The following STK40 variants were observed in gnomAD, a reference collection of about 807,000 sequenced individuals.
STK40 encodes the protein serine/threonine-protein kinase 40.
Under a neutral mutation model 47.9 loss-of-function variants are expected in STK40, and 13 were observed. That is an observed-to-expected ratio of 0.27 (90% CI 0.18 to 0.43). STK40 has a LOEUF of 0.43. Among genes scored for constraint, STK40 ranks in the 20% least tolerant of loss-of-function variants. The pLI is 1.00. For synonymous variants in STK40, 225 were observed against 243.2 expected (o/e 0.93, Z 0.69); for missense variants, 460 against 595.1 (o/e 0.77, Z 2.36).
At chr1:36,349,460 A>G (rs1458703854) in intron 6 of STK40, among the ~76,000 whole-genome samples, 1 of 152,228 alleles carries the variant, frequency 6.6e-6, no homozygotes, top group Non-Finnish European at 1.5e-5. Flanking sequence ...GCTGGTGAGC[A>G]GAAGAGCAGG....
chr1:36,358,929 G>A, intron 2 of STK40, 107 bp from the exon 3 acceptor site: 1 of 1,262,098 alleles, frequency 7.9e-7, no homozygotes, highest in Non-Finnish European at 1.1e-6. Context: ...GGGCACCATA[G>A]CTCATGTGTA....
chr1:36,371,860 T>C (rs1385284935), intron 1 of STK40, among the ~76,000 whole-genome samples: 2 of 151,758 alleles, frequency 1.3e-5, no homozygotes, highest in Non-Finnish European at 2.9e-5. Context: ...TAGCAGGGCG[T>C]GGCAGTGTTT....
At position 36,341,409 on chromosome 1, in the gene STK40, G is replaced by A. The variant is rs546060924; in HGVS notation, c.*346C>T. On this transcript the variant is annotated 3_prime_UTR_variant, in exon 11 of 11. Transcript: ENST00000373132. ...CAGCGCCCCAGGTCAGTTGGTGGCCGCTGGGGAAGGCCCTGGAGTGGGGTG... is the reference window on the plus strand; with the variant it reads ...CAGCGCCCCAGGTCAGTTGGTGGCCACTGGGGAAGGCCCTGGAGTGGGGTG... 10 of 236,496 alleles carry A rather than the reference G, an allele frequency of 4.2e-5. No individual in the cohort carries two copies. The highest frequency in any genetic ancestry group is 3.1e-4 in the Admixed American group (6 of 19,284). The allele number at this position is 236,496 out of a possible 1,614,324, so 14.6% of individuals were successfully genotyped here.
At chr1:36,356,425 T>C (rs1022290252) in intron 4 of STK40, among the ~76,000 whole-genome samples, 196 of 140,880 alleles carry the variant, frequency 1.4e-3, no homozygotes, top group Admixed American at 4.2e-3. Flanking sequence ...TTTCTTTTTT[T>C]TTTTTTTTTT....
intron 1 of STK40, among the ~76,000 whole-genome samples, chr1:36,364,100 G>A (rs867326335): frequency 3.3e-5 from 5 of 150,264 alleles, no homozygotes; most frequent in Admixed American, 2.0e-4. Flanking sequence ...GCAGTGAGCT[G>A]AGATCGCACC....
chr1:36,341,995 A>C lies in STK40; in HGVS notation c.1090-22T>G, dbSNP rs1423725992. 5 of 1,595,318 alleles carry C rather than the reference A, an allele frequency of 3.1e-6. 1 individual carries two copies. The Admixed American group carries it at 5.3e-5, about 17-fold the overall frequency. On this transcript the variant is annotated intron_variant, in intron 10 of 10. Coordinates refer to ENST00000373132, the MANE Select transcript of STK40 (RefSeq NM_001282547.2). ...TCGCCTTTGAGGCGGGGAGGGTGGG[A>C]AGGAGACAAAGATAAACCCAGATGA...
chr1:36,380,416 G>A (rs532824368), intron 1 of STK40, among the ~76,000 whole-genome samples: 1 of 152,302 alleles, frequency 6.6e-6, no homozygotes, highest in Admixed American at 6.5e-5. Flanking sequence ...CAAGGACACT[G>A]GGCAGCTTTC....
intron 9 of STK40, 56 bp downstream of exon 9, chr1:36,343,804 T>G: frequency 6.6e-7 from 1 of 1,521,536 alleles, no homozygotes. Flanking sequence ...CTGGGTAGGA[T>G]GGGCAGAGGC....
intron 1 of STK40, among the ~76,000 whole-genome samples, chr1:36,383,329 C>T (rs576051798): frequency 6.6e-6 from 1 of 152,374 alleles, no homozygotes; most frequent in South Asian, 2.1e-4. Context: ...GCACCCTTTA[C>T]AACTGGCCTT....
intron 1 of STK40, among the ~76,000 whole-genome samples, chr1:36,380,067 C>T (rs1213372670): frequency 6.6e-6 from 1 of 152,204 alleles, no homozygotes; most frequent in East Asian, 1.9e-4. Flanking sequence ...CAAAGTGGAA[C>T]TATCTCTAAG....
chr1:36,352,237 C>T (rs1646764978), intron 6 of STK40, among the ~76,000 whole-genome samples: 1 of 152,184 alleles, frequency 6.6e-6, no homozygotes, highest in Non-Finnish European at 1.5e-5. Flanking sequence ...GATGTGAGCC[C>T]ATGGGTCCTG....
intron 7 of STK40, among the ~76,000 whole-genome samples, chr1:36,345,682 G>A (rs894076174): frequency 6.6e-6 from 1 of 152,082 alleles, no homozygotes; most frequent in African/African-American, 2.4e-5. Context: ...GCTCTGTATG[G>A]TTCCAAAAAA....
At chr1:36,344,895 C>T (rs1222440178) in intron 7 of STK40, among the ~76,000 whole-genome samples, 2 of 152,236 alleles carry the variant, frequency 1.3e-5, no homozygotes, top group African/African-American at 2.4e-5. Context: ...ACGGAGCACC[C>T]GCTTTAGGAC....
chr1:36,355,350 G>A lies in STK40; in HGVS notation c.426C>T (p.Asp142=), dbSNP rs1455551199. Residue 142 remains aspartate, a synonymous_variant, in exon 5 of 11, where the codon GAC becomes GAT. Coordinates refer to ENST00000373132, the MANE Select transcript of STK40 (RefSeq NM_001282547.2). Reference sequence around the variant, plus strand: ...CGCTGAAGTCATGAGCACAGAGGCAGTCCAGGACGAGGCAGATGCGCTTCT... The same window carrying A: ...CGCTGAAGTCATGAGCACAGAGGCAATCCAGGACGAGGCAGATGCGCTTCT... ...KMKKRICLVL[D]CLCAHDFSDK... The A allele has an allele frequency of 6.2e-7, 1 of 1,614,090 alleles. No homozygotes were observed. Among genetic ancestry groups the A allele is most frequent in the African/African-American group, 1.3e-5 (1 of 74,932 alleles).
intron 1 of STK40, among the ~76,000 whole-genome samples, chr1:36,361,970 G>A (rs1646856457): frequency 6.6e-6 from 1 of 152,138 alleles, no homozygotes; most frequent in African/African-American, 2.4e-5. Context: ...CCCCAAAGTT[G>A]TCAATGGCAG....
Position 36,358,238 on chromosome 1 carries a change from C to T in STK40, c.342+1G>A. 1 of 1,582,084 alleles carries T rather than the reference C, an allele frequency of 6.3e-7. No homozygotes were observed. The highest frequency in any genetic ancestry group is 8.7e-7 in the Non-Finnish European group (1 of 1,155,102). ...GAAGGGTGAGGGGGAAGGCCGCTCACCTGGAAGAGGCCGTGGTGGTGCACC... is the reference window on the plus strand; with the variant it reads ...GAAGGGTGAGGGGGAAGGCCGCTCATCTGGAAGAGGCCGTGGTGGTGCACC... On this transcript the variant is annotated splice_donor_variant, in intron 4 of 10. Coordinates refer to ENST00000373132, the MANE Select transcript of STK40 (RefSeq NM_001282547.2). LOFTEE classifies it high-confidence loss of function.
At chr1:36,361,664 A>C (rs1646853761) in intron 1 of STK40, among the ~76,000 whole-genome samples, 1 of 152,178 alleles carries the variant, frequency 6.6e-6, no homozygotes, top group Non-Finnish European at 1.5e-5. Flanking sequence ...CTAATGCCAA[A>C]CAGAGCCCCA....
rs570051370 is a variant in STK40, at chr1:36,341,650, T to C, written c.*105A>G. ...GTCCCTGTCCCTGCCCTGTCCCTATTGTGGCCCGGGAGAGTCCAGCACTAC... is the reference window on the plus strand; with the variant it reads ...GTCCCTGTCCCTGCCCTGTCCCTATCGTGGCCCGGGAGAGTCCAGCACTAC... On this transcript the variant is annotated 3_prime_UTR_variant, in exon 11 of 11. Coordinates refer to ENST00000373132, the MANE Select transcript of STK40 (RefSeq NM_001282547.2). 2.9e-6 allele frequency: 4 copies of C among 1,403,174 alleles called. No homozygotes were observed. The highest frequency in any genetic ancestry group is 3.9e-6 in the Non-Finnish European group (4 of 1,020,696). 86.9% of individuals were successfully genotyped at this position (1,403,174 alleles called of 1,614,324 possible). A position where few individuals can be genotyped will look rare whatever the true frequency, so the allele number is the denominator to read the frequency against.
At position 36,355,405 on chromosome 1, in the gene STK40, G is replaced by A; in HGVS notation, c.371C>T (p.Thr124Ile). ...CTTCTTAACCATCCGGCTGGATTCT[G>A]TGTCCTCAACGATTTCACAGGTGCG... Reference protein sequence around the residue: ...QDRTCEIVEDTESSRMVKKMK... With the variant: ...QDRTCEIVEDIESSRMVKKMK... The change falls in exon 5 of 11, where the codon ACA (threonine) becomes ATA (isoleucine). Residue 124 changes from threonine to isoleucine, a missense_variant. Thr to Ile is a moderately conservative substitution (Grantham distance 89). Around this residue, in one of 3 missense-constraint regions of STK40, gnomAD observed 277 missense variants for 358.7 expected, o/e 0.77. Coordinates refer to ENST00000373132, the MANE Select transcript of STK40 (RefSeq NM_001282547.2). 1.2e-6 allele frequency: 2 copies of A among 1,614,238 alleles called. No individual in the cohort carries two copies. Among genetic ancestry groups the A allele is most frequent in the Non-Finnish European group, 1.7e-6 (2 of 1,180,046 alleles).
Sources: gnomAD v4.1 joint callset for allele counts (sites outside exome capture counted in the v4.1 genomes callset) on GRCh38, gnomAD v4.1.1 for gene constraint, gnomAD v4.1.1 regional missense constraint, MANE v1.5 for transcripts, NCBI Gene and HGNC (gene_info 2026-07-23, HGNC 2026-07-21) for gene names.